NAALADL2: variants seen among roughly 807,000 people sequenced by gnomAD.
NAALADL2 encodes N-acetylated alpha-linked acidic dipeptidase like 2.
A neutral mutation model predicts 87.2 loss-of-function variants in NAALADL2; 76 were observed. The ratio of observed to expected loss-of-function variants is 0.87; its 90% confidence interval spans 0.72 to 1.05. NAALADL2 has a LOEUF of 1.05. NAALADL2 is among the 50% of genes least tolerant of loss of function. The pLI, the probability that NAALADL2 is intolerant of heterozygous loss-of-function variation, is 0.00. For missense variants in NAALADL2, 1,089 were observed against 945.8 expected, an observed-to-expected ratio of 1.15 and a Z score of -1.99; for synonymous variants, 354 against 331.0, an observed-to-expected ratio of 1.07 and a Z score of -0.75.
At chr3:175,092,540 A>G (rs1229821649) in intron 1 of NAALADL2, among the ~76,000 whole-genome samples, 1 of 151,808 alleles carries the variant, frequency 6.6e-6, no homozygotes, top group African/African-American at 2.4e-5. Flanking sequence ...TATATTTTAC[A>G]TATTAAATTT....
At chr3:174,841,909 G>C (rs1724063384) in intron 3 of NAALADL2, among the ~76,000 whole-genome samples, 1 of 152,078 alleles carries the variant, frequency 6.6e-6, no homozygotes, top group African/African-American at 2.4e-5. Flanking sequence ...CATTCCTCTT[G>C]AGGGGTTTTT....
chr3:175,753,358 AT>A (rs1559974239), intron 12 of NAALADL2, among the ~76,000 whole-genome samples: 1 of 152,132 alleles, frequency 6.6e-6, no homozygotes, highest in Non-Finnish European at 1.5e-5. Context: ...AAAACTACTT[AT>A]CTCTTTACAT....
At chr3:175,140,088 T>C (rs762123087) in intron 2 of NAALADL2, among the ~76,000 whole-genome samples, 4 of 152,112 alleles carry the variant, frequency 2.6e-5, no homozygotes, top group Non-Finnish European at 5.9e-5. Flanking sequence ...TGGCTTTGAA[T>C]CTTAGCTCTG....
chr3:175,061,016 A>T (rs1041899223), intron 1 of NAALADL2, among the ~76,000 whole-genome samples: 2 of 152,216 alleles, frequency 1.3e-5, no homozygotes, highest in Non-Finnish European at 2.9e-5. Context: ...ATTGCACCTC[A>T]GCCTGGGCAA....
intron 2 of NAALADL2, among the ~76,000 whole-genome samples, chr3:175,136,482 A>T (rs192328472): frequency 1.1e-3 from 171 of 152,292 alleles, no homozygotes; most frequent in African/African-American, 4.0e-3. Context: ...TGTCCCAGGT[A>T]TAGGTTGAAG....
At chr3:175,595,753 T>C (rs982084465) in intron 10 of NAALADL2, among the ~76,000 whole-genome samples, 1 of 151,884 alleles carries the variant, frequency 6.6e-6, no homozygotes, top group Non-Finnish European at 1.5e-5. Context: ...CAGAAATGAA[T>C]GGAAAAACAT....
At chr3:174,545,344 C>T (rs1722633902) in intron 1 of NAALADL2, among the ~76,000 whole-genome samples, 1 of 152,112 alleles carries the variant, frequency 6.6e-6, no homozygotes, top group South Asian at 2.1e-4. Flanking sequence ...TGGAACTTTT[C>T]TTTTACACTT....
chr3:175,570,243 G>C (rs1489349998), intron 9 of NAALADL2, among the ~76,000 whole-genome samples: 1 of 152,130 alleles, frequency 6.6e-6, no homozygotes, highest in African/African-American at 2.4e-5. Flanking sequence ...CAGCCTTTTT[G>C]TTCCATTCAG....
chr3:174,652,870 C>A (rs950482827), intron 2 of NAALADL2, among the ~76,000 whole-genome samples: 2 of 151,886 alleles, frequency 1.3e-5, no homozygotes, highest in Non-Finnish European at 2.9e-5. Flanking sequence ...CTCTACAAAT[C>A]AAACAGAAAA....
intron 1 of NAALADL2, among the ~76,000 whole-genome samples, chr3:174,913,994 CAGG>C (rs1734037977): frequency 6.6e-6 from 1 of 151,522 alleles, no homozygotes; most frequent in Non-Finnish European, 1.5e-5. Context: ...TCTCTATAAG[CAGG>C]AGATTATGTA....
At chr3:175,529,219 A>G (rs766247782) in intron 9 of NAALADL2, among the ~76,000 whole-genome samples, 2 of 152,192 alleles carry the variant, frequency 1.3e-5, no homozygotes, top group Non-Finnish European at 2.9e-5. Context: ...TGGGTCAGCC[A>G]CCCCAGACAA....
At chr3:175,779,526 T>C (rs756238331) in intron 13 of NAALADL2, among the ~76,000 whole-genome samples, 28 of 152,218 alleles carry the variant, frequency 1.8e-4, no homozygotes, top group Non-Finnish European at 3.4e-4. Context: ...GTATTCTTCA[T>C]AGCATTAAGC....
chr3:174,864,073 C>G (rs1179218236), intron 1 of NAALADL2: 1 of 455,256 alleles, frequency 2.2e-6, no homozygotes. Context: ...CTGAAAATGT[C>G]AAGGCATGAA....
At chr3:174,920,740 C>G (rs1450509235) in intron 1 of NAALADL2, among the ~76,000 whole-genome samples, 1 of 152,166 alleles carries the variant, frequency 6.6e-6, no homozygotes, top group African/African-American at 2.4e-5. Flanking sequence ...TTTTGGCTTA[C>G]CTTGACTTTC....
chr3:174,675,568 A>G (rs1205054010), intron 2 of NAALADL2, among the ~76,000 whole-genome samples: 1 of 152,032 alleles, frequency 6.6e-6, no homozygotes, highest in African/African-American at 2.4e-5. Context: ...GCAACAGCCA[A>G]CCAGAACAGA....
intron 10 of NAALADL2, among the ~76,000 whole-genome samples, chr3:175,625,305 C>T (rs931020465): frequency 3.9e-5 from 6 of 151,956 alleles, no homozygotes; most frequent in African/African-American, 1.4e-4. Context: ...GGTGTTATTA[C>T]CTTTTTCCTC....
intron 3 of NAALADL2, among the ~76,000 whole-genome samples, chr3:174,777,461 G>T (rs1275760784): frequency 6.6e-6 from 1 of 152,048 alleles, no homozygotes; most frequent in African/African-American, 2.4e-5. Flanking sequence ...CTTTTGAACT[G>T]GTTATATATC....
chr3:174,710,528 A>C (rs1047725898), intron 2 of NAALADL2, among the ~76,000 whole-genome samples: 2 of 152,158 alleles, frequency 1.3e-5, no homozygotes, highest in Non-Finnish European at 2.9e-5. Flanking sequence ...TGCTGGGATT[A>C]CAGGCATGAG....
At chr3:175,681,783 C>A (rs1735637245) in intron 11 of NAALADL2, among the ~76,000 whole-genome samples, 1 of 152,060 alleles carries the variant, frequency 6.6e-6, no homozygotes, top group Non-Finnish European at 1.5e-5. Context: ...ATGCAGCTGT[C>A]TTAATGGAGA....
Sources: allele counts gnomAD v4.1 joint callset (sites outside exome capture counted in the v4.1 genomes callset), GRCh38; gene constraint gnomAD v4.1.1; transcripts MANE v1.5; gene names NCBI Gene and HGNC (gene_info 2026-07-23, HGNC 2026-07-21).